SDK1: variants seen among roughly 807,000 people sequenced by gnomAD.
SDK1 encodes sidekick cell adhesion molecule 1, also known as protein sidekick-1.
In SDK1, 157 loss-of-function variants were observed where a neutral mutation model predicts 245.5. The ratio of observed to expected loss-of-function variants is 0.64; its 90% CI spans 0.56 to 0.73. The LOEUF (loss-of-function observed/expected upper bound fraction) is 0.73, where lower values mean the gene tolerates loss of function less well. Among genes scored for constraint, SDK1 ranks in the 30% least tolerant of loss-of-function variants. The pLI is 0.00. For missense variants in SDK1, 3,583 were observed against 3,002.3 expected, an observed-to-expected ratio of 1.19 and a Z score of -4.52; for synonymous variants, 1,647 against 1,278.5, an observed-to-expected ratio of 1.29 and a Z score of -6.15.
chr7:4,159,460 A>G (rs889900892), intron 31 of SDK1, among the ~76,000 whole-genome samples: 1 of 152,214 alleles, frequency 6.6e-6, no homozygotes, highest in African/African-American at 2.4e-5. Flanking sequence ...AGAGCCTCCA[A>G]CAGGCCCCAG....
chr7:3,502,026 C>T (rs985789215), intron 1 of SDK1, among the ~76,000 whole-genome samples: 1 of 151,946 alleles, frequency 6.6e-6, no homozygotes, highest in African/African-American at 2.4e-5. Flanking sequence ...AACAAAAATT[C>T]CAATTACATA....
chr7:3,724,635 C>T (rs761126158), intron 4 of SDK1, among the ~76,000 whole-genome samples: 9 of 152,048 alleles, frequency 5.9e-5, no homozygotes, highest in African/African-American at 1.7e-4. Context: ...GGTTTTTATC[C>T]CAAGAAAAGC....
chr7:4,265,682 C>T lies in SDK1; in HGVS notation c.*298C>T, dbSNP rs1004654564. 46 of 1,169,010 alleles carry T rather than the reference C, an allele frequency of 3.9e-5. No homozygotes were observed. The highest frequency in any genetic ancestry group is 4.7e-5 in the Admixed American group (1 of 21,332). 72.4% of individuals were successfully genotyped at this position (1,169,010 alleles called of 1,614,324 possible). Reference sequence around the variant, plus strand: ...CTCCGGGGCCTGGGAGGACCTCAGACCTCCCCAGCCCTGGGTTTCTCCGTC... The same window carrying T: ...CTCCGGGGCCTGGGAGGACCTCAGATCTCCCCAGCCCTGGGTTTCTCCGTC... On this transcript the variant is annotated 3_prime_UTR_variant, in exon 45 of 45. Transcript: ENST00000404826.
intron 1 of SDK1, among the ~76,000 whole-genome samples, chr7:3,429,578 C>T (rs1378013623): frequency 6.6e-6 from 1 of 151,412 alleles, no homozygotes; most frequent in African/African-American, 2.4e-5. Flanking sequence ...TAATTTGATA[C>T]CCAGTCCACA....
intron 4 of SDK1, among the ~76,000 whole-genome samples, chr7:3,661,222 T>A (rs1046900194): frequency 1.2e-4 from 19 of 152,242 alleles, no homozygotes; most frequent in African/African-American, 4.3e-4. Flanking sequence ...TATTAACTTT[T>A]TTCATATATT....
intron 1 of SDK1, among the ~76,000 whole-genome samples, chr7:3,584,689 C>G (rs544218508): frequency 1.3e-5 from 2 of 151,560 alleles, no homozygotes; most frequent in Admixed American, 6.6e-5. Flanking sequence ...GTTTTTGGGT[C>G]TGTGCCCTTG....
At chr7:3,398,136 T>C (rs1039268235) in intron 1 of SDK1, among the ~76,000 whole-genome samples, 1 of 152,100 alleles carries the variant, frequency 6.6e-6, no homozygotes, top group African/African-American at 2.4e-5. Context: ...TCTGTAGCTG[T>C]AGGTTTTTCT....
At chr7:3,464,160 A>G (rs535781647) in intron 1 of SDK1, among the ~76,000 whole-genome samples, 12 of 152,320 alleles carry the variant, frequency 7.9e-5, no homozygotes, top group Non-Finnish European at 7.4e-5. Context: ...AGTGAAACCT[A>G]TACATACATG....
At chr7:3,548,149 A>G (rs186403007) in intron 1 of SDK1, among the ~76,000 whole-genome samples, 50 of 152,338 alleles carry the variant, frequency 3.3e-4, no homozygotes, top group East Asian at 1.9e-3. Context: ...GTTGAAATGC[A>G]TCAGTTGAAT....
At chr7:3,740,345 A>C (rs533906066) in intron 4 of SDK1, among the ~76,000 whole-genome samples, 2 of 152,144 alleles carry the variant, frequency 1.3e-5, no homozygotes, top group Non-Finnish European at 2.9e-5. Flanking sequence ...AGAATCCCCT[A>C]TGGCCATGTC....
chr7:3,718,403 G>A (rs1785264610), intron 4 of SDK1, among the ~76,000 whole-genome samples: 1 of 151,850 alleles, frequency 6.6e-6, no homozygotes, highest in Non-Finnish European at 1.5e-5. Context: ...GATACATGGT[G>A]GGCCTAAGGT....
rs780800642 is a variant in SDK1, at chr7:4,110,698, C to T, written c.3360C>T (p.Thr1120=). The T allele has an allele frequency of 6.2e-7, 1 of 1,613,900 alleles. No homozygotes were observed. The highest frequency in any genetic ancestry group is 1.7e-5 in the Admixed American group (1 of 60,000). The part of the protein sequence containing the change: ...GAIGDEEEWV[T]LYEEENEPDA... ...TCGGCGACGAGGAGGAGTGGGTCAC[C>T]CTCTATGAAGAGGAGAATGAGCCTG... is the stretch of plus-strand genomic sequence containing the variant. The change falls in exon 23 of 45, where the codon ACC becomes ACT. Residue 1120 remains threonine (T), a synonymous_variant. Transcript: ENST00000404826.
Position 3,381,050 on chromosome 7 carries a change from G to A in SDK1, c.298+79166G>A, listed in dbSNP as rs75778507. ...TATTGGTAGGCAACTTGCTGTGTCA[G>A]CTGCAGGAGTTATGTGCTTAGAGGT... On this transcript the variant is annotated intron_variant, in intron 1 of 44. Coordinates refer to ENST00000404826, the MANE Select transcript of SDK1 (RefSeq NM_152744.4). Among the ~76,000 whole-genome samples, 43 of 152,320 alleles carry A rather than the reference G, an allele frequency of 2.8e-4. No homozygotes were observed. In the East Asian group the frequency reaches 7.9e-3, roughly 28 times the overall value.
Position 3,393,971 on chromosome 7 carries a change from A to G in SDK1, c.298+92087A>G, listed in dbSNP as rs182640263. 4.1e-3 allele frequency among the ~76,000 whole-genome samples: 630 copies of G among 152,128 alleles called. 7 individuals carry two copies. Among genetic ancestry groups the G allele is most frequent in the South Asian group, 0.018 (87 of 4,812 alleles). ...GTGTTCATCATTTGGGCTTATTTGT[A>G]CCCATCCTTCTTGGGAAGGCTTTCC... On this transcript the variant is annotated intron_variant, in intron 1 of 44. Coordinates refer to ENST00000404826, the MANE Select transcript of SDK1 (RefSeq NM_152744.4).
chr7:3,585,953 CTCTT>C (rs1364239871), intron 1 of SDK1, among the ~76,000 whole-genome samples: 1 of 152,180 alleles, frequency 6.6e-6, no homozygotes, highest in African/African-American at 2.4e-5. Context: ...CAGTATGTGG[CTCTT>C]TGTTTCAGCA....
chr7:3,367,996 G>C (rs1413868512), intron 1 of SDK1, among the ~76,000 whole-genome samples: 2 of 152,176 alleles, frequency 1.3e-5, no homozygotes, highest in East Asian at 3.9e-4. Context: ...ATTGCAGAAA[G>C]ACTGTGAAAA....
intron 32 of SDK1, among the ~76,000 whole-genome samples, chr7:4,172,376 G>A (rs1007026624): frequency 5.3e-5 from 8 of 152,254 alleles, no homozygotes; most frequent in Non-Finnish European, 8.8e-5. Context: ...GTTGTTCCTC[G>A]TTGCTACCAC....
chr7:3,630,754 G>C (rs1782265433), intron 2 of SDK1, among the ~76,000 whole-genome samples: 1 of 152,110 alleles, frequency 6.6e-6, no homozygotes, highest in African/African-American at 2.4e-5. Context: ...AGAAGAAAAA[G>C]AAGACCTAAA....
At chr7:3,628,766 T>C (rs1274507322) in intron 2 of SDK1, among the ~76,000 whole-genome samples, 1 of 152,152 alleles carries the variant, frequency 6.6e-6, no homozygotes, top group Non-Finnish European at 1.5e-5. Context: ...ATATGAACAG[T>C]TGTTTTCAAG....
Sources: gnomAD v4.1 joint callset for allele counts (sites outside exome capture counted in the v4.1 genomes callset) on GRCh38, gnomAD v4.1.1 for gene constraint, MANE v1.5 for transcripts, NCBI Gene and HGNC (gene_info 2026-07-23, HGNC 2026-07-21) for gene names.